TF: variants seen among roughly 807,000 people sequenced by gnomAD.
The protein encoded by TF is serotransferrin.
In TF, 55 loss-of-function variants were observed where a neutral mutation model predicts 82.4. The ratio of observed to expected loss-of-function variants is 0.67; its 90% CI spans 0.54 to 0.84. TF has a LOEUF of 0.84. TF is among the 40% of genes least tolerant of loss of function. The probability of loss-of-function intolerance (pLI) is 0.00; values close to 1 mark genes in which losing one functional copy is unlikely to be tolerated. For missense variants in TF, 737 were observed against 868.4 expected (o/e 0.85, Z 1.90); for synonymous variants, 332 against 332.6 (o/e 1.00, Z 0.02).
the TF span, among the ~76,000 whole-genome samples, chr3:133,716,101 T>C: frequency 6.6e-6 from 1 of 152,154 alleles, no homozygotes; most frequent in African/African-American, 2.4e-5. Flanking sequence ...CTTTTGCTGG[T>C]TCTGTCCACT....
chr3:133,740,885 T>C, the TF span, among the ~76,000 whole-genome samples: 1 of 151,636 alleles, frequency 6.6e-6, no homozygotes. Context: ...GTTTTTCTTA[T>C]GTTACCTTAG....
At chr3:133,773,408 A>T (rs1347064811) in intron 14 of TF, 3 of 151,654 alleles carry the variant, frequency 2.0e-5, no homozygotes, top group Non-Finnish European at 4.4e-5. Flanking sequence ...TGATCCGCCC[A>T]CCTCGGCCTC....
At chr3:133,716,753 A>G in the TF span, among the ~76,000 whole-genome samples, 17 of 152,226 alleles carry the variant, frequency 1.1e-4, no homozygotes, top group Non-Finnish European at 2.9e-5. Context: ...CACTCGGAGT[A>G]AAAGTTAAGG....
At chr3:133,763,822 G>A (rs1414994535) in intron 9 of TF, among the ~76,000 whole-genome samples, 4 of 152,188 alleles carry the variant, frequency 2.6e-5, no homozygotes, top group South Asian at 2.1e-4. Flanking sequence ...CCACAGCCAC[G>A]AGTCCCTGAC....
the TF span, among the ~76,000 whole-genome samples, chr3:133,734,477 C>T: frequency 2.0e-5 from 3 of 152,112 alleles, no homozygotes; most frequent in Non-Finnish European, 4.4e-5. Flanking sequence ...ACATGTGCAA[C>T]AGTTTGAGCA....
Position 133,764,192 on chromosome 3 carries a change from C to T in TF, c.1214C>T (p.Ala405Val), listed in dbSNP as rs149754236. 8.7e-6 allele frequency: 14 copies of T among 1,613,716 alleles called. No homozygotes were observed. Among genetic ancestry groups the T allele is most frequent in the Non-Finnish European group, 1.2e-5 (14 of 1,179,788 alleles). The change falls in exon 10 of 17, where the codon GCT (alanine) becomes GTT (valine). Residue 405 changes from alanine (A) to valine (V), a missense_variant. Physicochemically the swap from Ala to Val is moderately conservative, Grantham distance 64 (BLOSUM62 0). Coordinates refer to ENST00000402696, the MANE Select transcript of TF (RefSeq NM_001063.4). ...DCIAKIMNGEADAMSLDGGFV... is the reference protein window; with the variant it reads ...DCIAKIMNGEVDAMSLDGGFV... ...GCTGTGTCTTTGCAGAATGGAGAAGCTGATGCCATGAGCTTGGATGGAGGG... is the reference window on the plus strand; with the variant it reads ...GCTGTGTCTTTGCAGAATGGAGAAGTTGATGCCATGAGCTTGGATGGAGGG...
chr3:133,763,720 T>C (rs1576362734), intron 9 of TF, among the ~76,000 whole-genome samples: 1 of 152,250 alleles, frequency 6.6e-6, no homozygotes, highest in African/African-American at 2.4e-5. Context: ...TCATTAAACA[T>C]GTTGTATGCA....
Position 133,753,624 on chromosome 3 carries a change from T to G in TF, c.246T>G (p.Asp82Glu). Residue 82 changes from aspartate (D) to glutamate (E), a missense_variant, in exon 3 of 17, where the codon GAT becomes GAG. Physicochemically the swap from Asp to Glu is conservative, Grantham distance 45. Transcript: ENST00000402696. The part of the protein sequence containing the change: ...AANEADAVTL[D>E]AGLVYDAYLA... ...ACGAAGCGGATGCTGTGACACTGGA[T>G]GCAGGTTTGGTGTATGATGCTTACC... is the stretch of plus-strand genomic sequence containing the variant. 6 of 1,614,222 alleles carry G rather than the reference T, an allele frequency of 3.7e-6. No individual in the cohort carries two copies. Among genetic ancestry groups the G allele is most frequent in the Non-Finnish European group, 5.1e-6 (6 of 1,180,030 alleles).
the TF span, among the ~76,000 whole-genome samples, chr3:133,682,106 C>T: frequency 6.6e-6 from 1 of 152,278 alleles, no homozygotes. Flanking sequence ...GAGTGGACCT[C>T]CAGCAAACTC....
chr3:133,774,733 C>A, intron 14 of TF: 1 of 196,198 alleles, frequency 5.1e-6, no homozygotes, highest in Non-Finnish European at 1.1e-5. Flanking sequence ...GTTAAAGAAA[C>A]AAAATTAAAT....
chr3:133,725,015 ATC>A, the TF span, among the ~76,000 whole-genome samples: 3 of 152,044 alleles, frequency 2.0e-5, no homozygotes, highest in Non-Finnish European at 4.4e-5. Flanking sequence ...ATTGATCTAT[ATC>A]TCTGTTTTGG....
At chr3:133,665,933 C>T in the TF span, among the ~76,000 whole-genome samples, 5 of 89,330 alleles carry the variant, frequency 5.6e-5, no homozygotes, top group Non-Finnish European at 4.8e-5. Flanking sequence ...GAAACTCCAT[C>T]TCAAAAAAAA....
At chr3:133,766,470 A>G (rs764809801) in intron 12 of TF, 37 bp downstream of exon 12, 1 of 1,613,576 alleles carries the variant, frequency 6.2e-7, no homozygotes, top group African/African-American at 1.3e-5. Flanking sequence ...GGTGAGGGCC[A>G]TGCCAGAAAG....
the TF span, among the ~76,000 whole-genome samples, chr3:133,679,394 G>A: frequency 6.6e-6 from 1 of 152,154 alleles, no homozygotes; most frequent in African/African-American, 2.4e-5. Flanking sequence ...TATACATATA[G>A]TTCAGTGAAT....
the TF span, among the ~76,000 whole-genome samples, chr3:133,721,792 T>C: frequency 3.3e-5 from 5 of 152,202 alleles, no homozygotes; most frequent in East Asian, 9.6e-4. Context: ...CTACTTACAA[T>C]TGTTATATCT....
At chr3:133,716,040 C>T in the TF span, among the ~76,000 whole-genome samples, 1 of 152,162 alleles carries the variant, frequency 6.6e-6, no homozygotes, top group Admixed American at 6.5e-5. Flanking sequence ...TTCTGGAATA[C>T]CACACTCTCT....
chr3:133,774,885 T>G, intron 14 of TF: 1 of 317,914 alleles, frequency 3.1e-6, no homozygotes. Context: ...TCAGAGACAA[T>G]ACAGAAAAGA....
chr3:133,722,437 C>G, the TF span, among the ~76,000 whole-genome samples: 1 of 152,078 alleles, frequency 6.6e-6, no homozygotes, highest in South Asian at 2.1e-4. Context: ...TAAGAACTTA[C>G]TCCTGACATT....
the TF span, chr3:133,710,146 A>C: frequency 6.5e-6 from 1 of 152,704 alleles, no homozygotes; most frequent in African/African-American, 2.4e-5. Context: ...AGACAAGATC[A>C]GGCGCATTCA....
Sources: gnomAD v4.1 joint callset for allele counts (sites outside exome capture counted in the v4.1 genomes callset) on GRCh38, gnomAD v4.1.1 for gene constraint, MANE v1.5 for transcripts, NCBI Gene and HGNC (gene_info 2026-07-23, HGNC 2026-07-21) for gene names.